The following FRMD4A variants were observed in gnomAD, a reference collection of about 807,000 sequenced individuals.
FRMD4A encodes the protein FERM domain containing 4A.
Under a neutral mutation model 129.1 loss-of-function variants are expected in FRMD4A, and 29 were observed. That is an observed-to-expected ratio of 0.22 (90% CI 0.17 to 0.31). The LOEUF (loss-of-function observed/expected upper bound fraction) is 0.31. Ranked by LOEUF, FRMD4A falls within the 10% of genes least tolerant of loss-of-function variation. The pLI is 1.00. For missense variants in FRMD4A, 1,272 were observed against 1,375.8 expected, an observed-to-expected ratio of 0.92 and a Z score of 1.19; for synonymous variants, 634 against 571.6, an observed-to-expected ratio of 1.11 and a Z score of -1.56.
chr10:13,969,006 TA>T (rs1191846482), intron 2 of FRMD4A, among the ~76,000 whole-genome samples: 11 of 152,220 alleles, frequency 7.2e-5, no homozygotes. Flanking sequence ...GATATGTCTT[TA>T]AAACGGCCCT....
At chr10:13,674,159 A>G (rs543531909) in intron 16 of FRMD4A, among the ~76,000 whole-genome samples, 41 of 152,338 alleles carry the variant, frequency 2.7e-4, no homozygotes, top group African/African-American at 9.4e-4. Context: ...AGGTGACTAT[A>G]TACCAAGTGA....
rs751691538 is a variant in FRMD4A at position 14,231,099 on chromosome 10, T to C, written c.45+98959A>G. On this transcript the variant is annotated intron_variant, in intron 2 of 24. Coordinates refer to ENST00000357447, the MANE Select transcript of FRMD4A (RefSeq NM_018027.5). Reference sequence around the variant, plus strand: ...CAATGAACATATGAGTGCCTGTGTCTTTAGGGTAGAATGATTTATATTCCT... The same window carrying C: ...CAATGAACATATGAGTGCCTGTGTCCTTAGGGTAGAATGATTTATATTCCT... Among the ~76,000 whole-genome samples the C allele has an allele frequency of 2.4e-4, 36 of 152,284 alleles. No individual in the cohort carries two copies. The Middle Eastern group carries it at 0.01, about 43-fold the overall frequency.
chr10:14,002,477 T>C (rs1464321030), intron 2 of FRMD4A, among the ~76,000 whole-genome samples: 2 of 152,228 alleles, frequency 1.3e-5, no homozygotes, highest in Non-Finnish European at 2.9e-5. Context: ...GGATGGAGGC[T>C]GTTCCAGTGT....
chr10:13,861,566 C>T (rs868062529), intron 2 of FRMD4A, among the ~76,000 whole-genome samples: 8 of 152,210 alleles, frequency 5.3e-5, no homozygotes, highest in South Asian at 4.1e-4. Context: ...AACACTCCAA[C>T]GAACAGATTA....
chr10:14,307,408 T>C (rs1338578137), intron 2 of FRMD4A, among the ~76,000 whole-genome samples: 4 of 152,252 alleles, frequency 2.6e-5, no homozygotes, highest in Admixed American at 2.0e-4. Flanking sequence ...TTATTTGTCC[T>C]GGCTTGAGGT....
At chr10:13,895,148 G>A (rs776490566) in intron 2 of FRMD4A, among the ~76,000 whole-genome samples, 16 of 152,282 alleles carry the variant, frequency 1.1e-4, no homozygotes, top group Non-Finnish European at 1.9e-4. Flanking sequence ...GTAAACTAGC[G>A]TCATGGAGGT....
At chr10:13,738,705 C>T (rs1282126567) in intron 11 of FRMD4A, among the ~76,000 whole-genome samples, 1 of 152,200 alleles carries the variant, frequency 6.6e-6, no homozygotes, top group African/African-American at 2.4e-5. Context: ...ACTGCAACCT[C>T]CGCCTCCCAG....
chr10:13,931,643 A>G, intron 2 of FRMD4A, among the ~76,000 whole-genome samples: 1 of 152,078 alleles, frequency 6.6e-6, no homozygotes, highest in Admixed American at 6.6e-5. Flanking sequence ...GGAGTTAAAA[A>G]ACATGCAATT....
At position 13,656,897 on chromosome 10, in the gene FRMD4A, G is replaced by A. The variant is rs1231277533; in HGVS notation, c.2692C>T (p.Pro898Ser). The change falls in exon 22 of 25, where the codon CCG (proline) becomes TCG (serine). Residue 898 changes from proline (P) to serine (S), a missense_variant. Physicochemically the swap from Pro to Ser is moderately conservative, Grantham distance 74 (BLOSUM62 -1). This residue lies in a region of FRMD4A where 972 missense variants were observed against 892.3 expected (regional missense o/e 1.09). Transcript: ENST00000357447. ...GDEGDTGRLT[P>S]SRSQILRTPS... The stretch of plus-strand genomic sequence containing the variant: ...GTCCGCAGGATCTGCGATCGCGACG[G>A]CGTCAGGCGGCCCGTGTCGCCCTCG... 1 of 1,483,680 alleles carries A rather than the reference G, an allele frequency of 6.7e-7. No homozygotes were observed. The highest frequency in any genetic ancestry group is 8.9e-7 in the Non-Finnish European group (1 of 1,123,860). The allele number at this position is 1,483,680 out of a possible 1,614,324, so 91.9% of individuals were successfully genotyped here.
At chr10:13,959,201 G>A (rs551956621) in intron 2 of FRMD4A, among the ~76,000 whole-genome samples, 52 of 152,104 alleles carry the variant, frequency 3.4e-4, no homozygotes, top group African/African-American at 1.2e-3. Flanking sequence ...GGCTAGGTGC[G>A]GAGGGTCACA....
At chr10:14,328,724 A>G (rs555050972) in intron 2 of FRMD4A, among the ~76,000 whole-genome samples, 1 of 151,736 alleles carries the variant, frequency 6.6e-6, no homozygotes, top group South Asian at 2.1e-4. Flanking sequence ...AGTCTCCTAG[A>G]CCCCATAGAT....
chr10:14,086,439 C>T (rs1836282326), intron 2 of FRMD4A, among the ~76,000 whole-genome samples: 1 of 150,794 alleles, frequency 6.6e-6, no homozygotes, highest in South Asian at 2.1e-4. Context: ...GTAAAAAAAT[C>T]TTCATAGCTT....
At chr10:14,185,725 A>G (rs956610541) in intron 2 of FRMD4A, among the ~76,000 whole-genome samples, 1 of 152,200 alleles carries the variant, frequency 6.6e-6, no homozygotes, top group Non-Finnish European at 1.5e-5. Flanking sequence ...AGTTCTAGAG[A>G]GAAGGGATGG....
intron 2 of FRMD4A, among the ~76,000 whole-genome samples, chr10:14,317,327 T>C (rs981272478): frequency 6.6e-6 from 1 of 152,198 alleles, no homozygotes; most frequent in African/African-American, 2.4e-5. Context: ...CGTGTGACTC[T>C]CCCATTGCAT....
intron 2 of FRMD4A, among the ~76,000 whole-genome samples, chr10:14,184,811 T>G (rs906748636): frequency 1.3e-5 from 2 of 152,196 alleles, no homozygotes; most frequent in Non-Finnish European, 2.9e-5. Context: ...TCTTATTTAT[T>G]TATTTTTTAT....
chr10:14,010,938 G>A (rs945581246), intron 2 of FRMD4A, among the ~76,000 whole-genome samples: 1 of 152,118 alleles, frequency 6.6e-6, no homozygotes, highest in East Asian at 1.9e-4. Context: ...CTACCCATTG[G>A]CAGGCCATGT....
chr10:14,185,812 G>GCTAC (rs1842121512), intron 2 of FRMD4A, among the ~76,000 whole-genome samples: 1 of 152,220 alleles, frequency 6.6e-6, no homozygotes, highest in Non-Finnish European at 1.5e-5. Context: ...GCGGAATAGG[G>GCTAC]TAGACAGGGC....
At chr10:13,779,904 G>A (rs185246900) in intron 6 of FRMD4A, among the ~76,000 whole-genome samples, 55 of 152,304 alleles carry the variant, frequency 3.6e-4, no homozygotes, top group Non-Finnish European at 1.3e-4. Flanking sequence ...GGAATGAACC[G>A]TTCTTGTCTA....
At chr10:13,883,811 G>T (rs1469013834) in intron 2 of FRMD4A, among the ~76,000 whole-genome samples, 1 of 152,116 alleles carries the variant, frequency 6.6e-6, no homozygotes, top group Non-Finnish European at 1.5e-5. Context: ...GTCCCTTAGG[G>T]CTCACTGAAA....
Sources: gnomAD v4.1 joint callset for allele counts (sites outside exome capture counted in the v4.1 genomes callset) on GRCh38, gnomAD v4.1.1 for gene constraint, gnomAD v4.1.1 regional missense constraint, MANE v1.5 for transcripts, NCBI Gene and HGNC (gene_info 2026-07-23, HGNC 2026-07-21) for gene names.